Variants in AUTS2 observed in about 807,000 individuals in gnomAD.
The protein encoded by AUTS2 is activator of transcription and developmental regulator AUTS2.
A neutral mutation model predicts 112.4 loss-of-function variants in AUTS2; 17 were observed. That is an observed-to-expected ratio of 0.15 (90% CI 0.10 to 0.23). The LOEUF (loss-of-function observed/expected upper bound fraction) is 0.23, where lower values mean the gene tolerates loss of function less well. AUTS2 is among the 10% of genes least tolerant of loss of function. AUTS2 has a pLI of 1.00. For synonymous variants in AUTS2, 751 were observed against 702.7 expected, an observed-to-expected ratio of 1.07 and a Z score of -1.09; for missense variants, 1,510 against 1,701.6, an observed-to-expected ratio of 0.89 and a Z score of 1.98.
chr7:70,640,589 G>T (rs1243810090), intron 5 of AUTS2, among the ~76,000 whole-genome samples: 1 of 152,004 alleles, frequency 6.6e-6, no homozygotes, highest in South Asian at 2.1e-4. Context: ...GTGTGTGTGT[G>T]TGTGTAAGTG....
chr7:69,944,038 T>C (rs1318450549), intron 2 of AUTS2, among the ~76,000 whole-genome samples: 1 of 152,174 alleles, frequency 6.6e-6, no homozygotes, highest in African/African-American at 2.4e-5. Flanking sequence ...CTCATCTAAC[T>C]TCATAGATTA....
chr7:70,698,922 C>CTTT (rs34199078), intron 6 of AUTS2: 12 of 244,280 alleles, frequency 4.9e-5, no homozygotes, highest in Non-Finnish European at 7.8e-5. Context: ...AATGCCTGAA[C>CTTT]TTTATTGTTA....
intron 4 of AUTS2, among the ~76,000 whole-genome samples, chr7:70,374,779 C>G (rs765168624): frequency 1.1e-4 from 16 of 152,172 alleles, no homozygotes; most frequent in Non-Finnish European, 1.8e-4. Context: ...TCTTGCATCC[C>G]TTGAAGACAC....
intron 6 of AUTS2, among the ~76,000 whole-genome samples, chr7:70,718,750 A>C (rs1810510797): frequency 6.6e-6 from 1 of 152,198 alleles, no homozygotes; most frequent in Non-Finnish European, 1.5e-5. Flanking sequence ...CATATACTTC[A>C]AACAAAGAAA....
At chr7:70,147,247 C>T (rs1425677173) in intron 4 of AUTS2, among the ~76,000 whole-genome samples, 1 of 151,638 alleles carries the variant, frequency 6.6e-6, no homozygotes, top group Non-Finnish European at 1.5e-5. Context: ...AAAATCATGA[C>T]TCTCATACAT....
intron 3 of AUTS2, among the ~76,000 whole-genome samples, chr7:70,130,832 C>A (rs771479796): frequency 1.7e-4 from 26 of 152,302 alleles, no homozygotes; most frequent in Non-Finnish European, 2.9e-4. Flanking sequence ...TGTTCTCCTA[C>A]TCTATTTTCT....
At chr7:70,182,019 C>T (rs1407874344) in intron 4 of AUTS2, among the ~76,000 whole-genome samples, 3 of 148,662 alleles carry the variant, frequency 2.0e-5, no homozygotes, top group Admixed American at 6.7e-5. Context: ...AGGATGGTCT[C>T]GATCGATCTC....
chr7:70,657,216 A>G (rs902624770), intron 5 of AUTS2, among the ~76,000 whole-genome samples: 3 of 151,628 alleles, frequency 2.0e-5, no homozygotes, highest in African/African-American at 7.3e-5. Flanking sequence ...GCTGGGGTTA[A>G]CCCGCCGTCT....
chr7:70,203,491 A>G (rs933082399), intron 4 of AUTS2, among the ~76,000 whole-genome samples: 20 of 151,002 alleles, frequency 1.3e-4, no homozygotes, highest in Non-Finnish European at 2.7e-4. Context: ...CTATTGATTA[A>G]CCATATGCAT....
rs560845608 is a variant in AUTS2 at position 70,210,817 on chromosome 7, T to TA, written c.660+76247dup. Among the ~76,000 whole-genome samples, 8 of 152,334 alleles carry TA rather than the reference T, an allele frequency of 5.3e-5. No homozygotes were observed. In the South Asian group the frequency reaches 1.7e-3, roughly 32 times the overall value. On this transcript the variant is annotated intron_variant, in intron 4 of 18. Transcript: ENST00000342771. ...TCCTTGAGAACCAAGCTCGTGTTCT[T>TA]ATAAGCTCATCCTTATATTTTCCCA... is the stretch of plus-strand genomic sequence containing the variant.
chr7:70,586,392 A>G (rs1802691492), intron 5 of AUTS2, among the ~76,000 whole-genome samples: 1 of 152,172 alleles, frequency 6.6e-6, no homozygotes, highest in African/African-American at 2.4e-5. Context: ...GTCCAAAAAT[A>G]TTTCATAATT....
rs1385038349 is a variant in AUTS2, at chr7:70,485,466, G to A, written c.690+49685G>A. ...ATGATATATTGGACTTTGGGGACTC[G>A]GGGGAAAGGGAGGGAGGTGAGTGAG... On this transcript the variant is annotated intron_variant, in intron 5 of 18. Coordinates refer to ENST00000342771, the MANE Select transcript of AUTS2 (RefSeq NM_015570.4). 3.9e-5 allele frequency among the ~76,000 whole-genome samples: 6 copies of A among 152,006 alleles called. No individual in the cohort carries two copies. The South Asian group carries it at 6.2e-4, about 16-fold the overall frequency.
intron 5 of AUTS2, among the ~76,000 whole-genome samples, chr7:70,654,492 AT>A (rs999489466): frequency 7.2e-5 from 11 of 152,032 alleles, no homozygotes; most frequent in African/African-American, 2.2e-4. Flanking sequence ...CATACTGCTT[AT>A]TTTTTTTAAT....
At chr7:70,708,114 A>G (rs571342597) in intron 6 of AUTS2, among the ~76,000 whole-genome samples, 32 of 152,234 alleles carry the variant, frequency 2.1e-4, no homozygotes, top group African/African-American at 7.7e-4. Context: ...CTTGGAAAAC[A>G]TTTTCCCCCT....
rs142693541 is a variant in AUTS2, at chr7:69,958,553, C to T, written c.522+59055C>T. ...CTGGGCACATTTACTTCTTAGGTCTCTACACAAACCATGTAGTGTAAGGAG... is the reference window on the plus strand; with the variant it reads ...CTGGGCACATTTACTTCTTAGGTCTTTACACAAACCATGTAGTGTAAGGAG... On this transcript the variant is annotated intron_variant, in intron 2 of 18. Coordinates refer to ENST00000342771, the MANE Select transcript of AUTS2 (RefSeq NM_015570.4). Among the ~76,000 whole-genome samples, 24 of 152,234 alleles carry T rather than the reference C, an allele frequency of 1.6e-4. No individual in the cohort carries two copies. In the East Asian group the frequency reaches 4.3e-3, roughly 27 times the overall value.
intron 1 of AUTS2, among the ~76,000 whole-genome samples, chr7:69,842,494 T>C (rs1264999611): frequency 6.6e-6 from 1 of 152,230 alleles, no homozygotes; most frequent in African/African-American, 2.4e-5. Context: ...TCTGATGTTA[T>C]GAAGTAAGTG....
chr7:69,919,438 T>C (rs1795720289), intron 2 of AUTS2, among the ~76,000 whole-genome samples: 1 of 152,222 alleles, frequency 6.6e-6, no homozygotes, highest in Non-Finnish European at 1.5e-5. Flanking sequence ...TTTGAATTCA[T>C]TTGATCACTT....
chr7:70,659,659 G>A (rs1288969258), intron 5 of AUTS2, among the ~76,000 whole-genome samples: 1 of 152,158 alleles, frequency 6.6e-6, no homozygotes, highest in East Asian at 1.9e-4. Context: ...ACCTGGAACT[G>A]TTATGGCTGG....
At chr7:70,719,819 C>T (rs1209637895) in intron 6 of AUTS2, among the ~76,000 whole-genome samples, 2 of 152,126 alleles carry the variant, frequency 1.3e-5, no homozygotes, top group Non-Finnish European at 2.9e-5. Flanking sequence ...GCTGGTTACA[C>T]CCCACACAGT....
Sources: allele counts gnomAD v4.1 joint callset (sites outside exome capture counted in the v4.1 genomes callset), GRCh38; gene constraint gnomAD v4.1.1; transcripts MANE v1.5; gene names NCBI Gene and HGNC (gene_info 2026-07-23, HGNC 2026-07-21).